SNTG1: variants seen among roughly 807,000 people sequenced by gnomAD.
The protein encoded by SNTG1 is gamma-1-syntrophin.
Under a neutral mutation model 74.7 loss-of-function variants are expected in SNTG1, and 39 were observed. The ratio of observed to expected loss-of-function variants is 0.52; its 90% CI spans 0.40 to 0.68. The LOEUF is 0.68. Among genes scored for constraint, SNTG1 ranks in the 30% least tolerant of loss-of-function variants. The pLI is 0.00. For missense variants in SNTG1, 685 were observed against 609.5 expected, an observed-to-expected ratio of 1.12 and a Z score of -1.30; for synonymous variants, 254 against 217.1, an observed-to-expected ratio of 1.17 and a Z score of -1.49.
intron 2 of SNTG1, among the ~76,000 whole-genome samples, chr8:50,288,720 A>G (rs1251213066): frequency 6.6e-6 from 1 of 152,198 alleles, no homozygotes; most frequent in Non-Finnish European, 1.5e-5. Flanking sequence ...TAGGATAAAC[A>G]GAATGATTTT....
chr8:50,007,186 A>C (rs1585865651), intron 1 of SNTG1, among the ~76,000 whole-genome samples: 1 of 152,164 alleles, frequency 6.6e-6, no homozygotes, highest in African/African-American at 2.4e-5. Flanking sequence ...AGACTAGCTG[A>C]TCTTCCCTCT....
intron 2 of SNTG1, among the ~76,000 whole-genome samples, chr8:50,261,853 T>TAAA (rs2087209134): frequency 1.3e-5 from 2 of 150,538 alleles, no homozygotes; most frequent in African/African-American, 4.9e-5. Context: ...TGAAAAAGAG[T>TAAA]GGAGGATAAA....
intron 15 of SNTG1, among the ~76,000 whole-genome samples, chr8:50,663,497 A>G (rs2131304161): frequency 6.6e-6 from 1 of 152,218 alleles, no homozygotes; most frequent in East Asian, 2.0e-4. Flanking sequence ...GGGCCTGAAT[A>G]GATAGTGCCC....
At chr8:50,065,303 T>G (rs1400038706) in intron 1 of SNTG1, among the ~76,000 whole-genome samples, 3 of 152,328 alleles carry the variant, frequency 2.0e-5, no homozygotes, top group Admixed American at 2.0e-4. Context: ...AGCATCATGT[T>G]TTTTATCTTA....
Position 50,656,908 on chromosome 8 carries a change from G to A in SNTG1, c.850-1G>A. The A allele has an allele frequency of 6.2e-7, 1 of 1,600,014 alleles. No individual in the cohort carries two copies. Among genetic ancestry groups the A allele is most frequent in the East Asian group, 2.3e-5 (1 of 44,010 alleles). ...GTTGATTGTATTCCATTTTCTTGCA[G>A]ATTGTCTACATGGGCTGGTGTGAAG... On this transcript the variant is annotated splice_acceptor_variant, in intron 13 of 18. Coordinates refer to ENST00000642720, the MANE Select transcript of SNTG1 (RefSeq NM_018967.5). LOFTEE classifies it high-confidence loss of function.
chr8:50,690,683 T>C (rs907535831), intron 15 of SNTG1, among the ~76,000 whole-genome samples: 9 of 152,212 alleles, frequency 5.9e-5, no homozygotes, highest in Non-Finnish European at 2.9e-5. Flanking sequence ...TGGTCAATTT[T>C]GGAGTAGGTG....
At chr8:50,155,671 G>A (rs901917282) in intron 1 of SNTG1, among the ~76,000 whole-genome samples, 67 of 152,040 alleles carry the variant, frequency 4.4e-4, no homozygotes, top group African/African-American at 1.5e-3. Flanking sequence ...GAAGCTTAGA[G>A]GGAAATGTAT....
At chr8:50,707,746 A>T in intron 16 of SNTG1, 1 of 270,604 alleles carries the variant, frequency 3.7e-6, no homozygotes, top group Middle Eastern at 1.1e-3. Flanking sequence ...CATGGATCAC[A>T]AATATTTTTC....
intron 17 of SNTG1, among the ~76,000 whole-genome samples, chr8:50,728,348 C>T (rs975932445): frequency 6.6e-6 from 1 of 152,172 alleles, no homozygotes; most frequent in Non-Finnish European, 1.5e-5. Flanking sequence ...TCCAGCACCT[C>T]TTTTGTTGTA....
chr8:50,413,952 G>A (rs141208455), intron 4 of SNTG1, among the ~76,000 whole-genome samples: 415 of 152,098 alleles, frequency 2.7e-3, no homozygotes, highest in Middle Eastern at 0.01. Context: ...TTTACATCAC[G>A]ATTATACATT....
At chr8:50,449,829 T>TC in intron 6 of SNTG1, 104 bp downstream of exon 6, 1 of 1,015,954 alleles carries the variant, frequency 9.8e-7, no homozygotes, top group Non-Finnish European at 1.4e-6. Context: ...ATTGACTGGC[T>TC]CCAGCTTCCC....
chr8:50,708,909 A>T lies in SNTG1; in HGVS notation c.1215A>T (p.Leu405=). ...AGTGCAAGACCTATGCATGTGTGCT[A>T]GAAAGTCATCTAATGGGACTCACAA... is the stretch of plus-strand genomic sequence containing the variant. ...RIQCKTYACV[L]ESHLMGLTID... Residue 405 remains leucine (L), a synonymous_variant, in exon 17 of 19, where the codon CTA becomes CTT. Coordinates refer to ENST00000642720, the MANE Select transcript of SNTG1 (RefSeq NM_018967.5). The T allele has an allele frequency of 1.2e-6, 2 of 1,613,740 alleles. No individual in the cohort carries two copies. Among genetic ancestry groups the T allele is most frequent in the Non-Finnish European group, 1.7e-6 (2 of 1,179,744 alleles).
intron 2 of SNTG1, among the ~76,000 whole-genome samples, chr8:50,202,290 T>C (rs1329305058): frequency 6.6e-6 from 1 of 152,144 alleles, no homozygotes; most frequent in East Asian, 1.9e-4. Flanking sequence ...CAATTACATA[T>C]CATACAGCAC....
rs1169127813 is a variant in SNTG1, at chr8:50,167,148, G to A, written c.-102-5413G>A. Among the ~76,000 whole-genome samples the A allele has an allele frequency of 4.9e-5, 7 of 143,242 alleles. No homozygotes were observed. The East Asian group carries it at 1.0e-3, about 21-fold the overall frequency. The allele number at this position is 143,242 out of a possible 152,430, so 94.0% of individuals were successfully genotyped here. A position where few individuals can be genotyped will look rare whatever the true frequency, so the allele number is the denominator to read the frequency against. ...GGGGTCGGGGGAGGGGGGAGGGATA[G>A]CATTGGGAGATATACCTAATGCTAG... On this transcript the variant is annotated intron_variant, in intron 1 of 18. Coordinates refer to ENST00000642720, the MANE Select transcript of SNTG1 (RefSeq NM_018967.5).
chr8:50,289,358 T>C (rs1019622376), intron 2 of SNTG1, among the ~76,000 whole-genome samples: 1 of 152,164 alleles, frequency 6.6e-6, no homozygotes, highest in Admixed American at 6.6e-5. Context: ...ATCTCCAGGG[T>C]GCAACTGCAT....
intron 1 of SNTG1, among the ~76,000 whole-genome samples, chr8:50,024,796 A>G (rs1002021674): frequency 2.0e-5 from 3 of 152,174 alleles, no homozygotes; most frequent in Non-Finnish European, 2.9e-5. Flanking sequence ...ATGATGGAAG[A>G]GTATGAAAAA....
At chr8:49,938,614 T>TCTTTCTTTCTTC (rs1563371171) in intron 1 of SNTG1, among the ~76,000 whole-genome samples, 1 of 85,606 alleles carries the variant, frequency 1.2e-5, no homozygotes, top group African/African-American at 5.1e-5. Context: ...TTTCTTTCTT[T>TCTTTCTTTCTTC]CTTTCTTTCT....
intron 1 of SNTG1, among the ~76,000 whole-genome samples, chr8:50,145,913 T>C (rs2081845582): frequency 6.6e-6 from 1 of 151,516 alleles, no homozygotes; most frequent in African/African-American, 2.4e-5. Context: ...AATAAAAATA[T>C]ATAGATGACT....
At chr8:50,180,102 A>C (rs1385449164) in intron 2 of SNTG1, among the ~76,000 whole-genome samples, 2 of 152,234 alleles carry the variant, frequency 1.3e-5, no homozygotes, top group African/African-American at 4.8e-5. Flanking sequence ...ATTCAGTCTT[A>C]AAAAAGGACA....
Sources: allele counts gnomAD v4.1 joint callset (sites outside exome capture counted in the v4.1 genomes callset), GRCh38; gene constraint gnomAD v4.1.1; transcripts MANE v1.5; gene names NCBI Gene and HGNC (gene_info 2026-07-23, HGNC 2026-07-21).